The following ANK3 variants were observed in gnomAD, a reference collection of about 807,000 sequenced individuals.
ANK3 encodes the protein ankyrin-3.
Under a neutral mutation model 370.9 loss-of-function variants are expected in ANK3, and 57 were observed. The observed-to-expected ratio is 0.15, with a 90% confidence interval of 0.12 to 0.19. The LOEUF (loss-of-function observed/expected upper bound fraction) is 0.19. Ranked by LOEUF, ANK3 falls within the 10% of genes least tolerant of loss-of-function variation. The pLI, the probability that ANK3 is intolerant of heterozygous loss-of-function variation, is 1.00. For missense variants in ANK3, 4,439 were observed against 5,302.1 expected (o/e 0.84, Z 5.06); for synonymous variants, 1,929 against 1,946.3 (o/e 0.99, Z 0.23).
chr10:60,204,914 G>T (rs187098143), intron 11 of ANK3, among the ~76,000 whole-genome samples: 9 of 152,172 alleles, frequency 5.9e-5, no homozygotes, highest in Non-Finnish European at 1.3e-4. Flanking sequence ...TCTAAAGGAC[G>T]TGCAGGATTT....
In ANK3 at chr10:60,080,205, A is replaced by C. The variant is rs145344374; in HGVS notation, c.4432+332T>G. Reference sequence around the variant, plus strand: ...TCCAAATATTTGAGTAATTTTTTTCATCTGAGCATAGATCTAAAGCAACAT... The same window carrying C: ...TCCAAATATTTGAGTAATTTTTTTCCTCTGAGCATAGATCTAAAGCAACAT... On this transcript the variant is annotated intron_variant, in intron 36 of 43. Transcript: ENST00000280772. Among the ~76,000 whole-genome samples, 619 of 152,272 alleles carry C rather than the reference A, an allele frequency of 4.1e-3. 6 individuals are homozygous for C. The highest frequency in any genetic ancestry group is 4.8e-3 in the Non-Finnish European group (326 of 68,016).
chr10:60,032,194 C>CTTTTTTTTTTTTTTTTTTTTTTTT lies in ANK3; in HGVS notation c.*20-2392_*20-2369dup. Among the ~76,000 whole-genome samples the CTTTTTTTTTTTTTTTTTTTTTTTT allele has an allele frequency of 1.4e-3, 61 of 43,126 alleles. 12 individuals carry two copies. Among genetic ancestry groups the CTTTTTTTTTTTTTTTTTTTTTTTT allele is most frequent in the Non-Finnish European group, 1.9e-3 (42 of 22,388 alleles). The allele number at this position is 43,126 out of a possible 152,430, so 28.3% of individuals were successfully genotyped here. On this transcript the variant is annotated intron_variant, in intron 43 of 43. Coordinates refer to ENST00000280772, the MANE Select transcript of ANK3 (RefSeq NM_020987.5). Reference sequence around the variant, plus strand: ...TTCAGCTATTATAAATACACAGCTTCTTTTTTTTTTTTTTTTTTTTTTTTT... The same window carrying CTTTTTTTTTTTTTTTTTTTTTTTT: ...TTCAGCTATTATAAATACACAGCTTCTTTTTTTTTTTTTTTTTTTTTTTTTTTTTTTTTTTTTTTTTTTTTTTTT...
intron 1 of ANK3, among the ~76,000 whole-genome samples, chr10:60,333,256 C>T (rs185509010): frequency 5.1e-4 from 77 of 152,160 alleles, no homozygotes; most frequent in African/African-American, 1.7e-3. Flanking sequence ...CCCATCAACC[C>T]GTCATCTACA....
intron 17 of ANK3, among the ~76,000 whole-genome samples, chr10:60,185,410 G>A (rs1179168084): frequency 6.6e-6 from 1 of 152,160 alleles, no homozygotes; most frequent in Non-Finnish European, 1.5e-5. Flanking sequence ...CAAGAAGTCA[G>A]TATTGCTATC....
At position 60,034,092 on chromosome 10, in the gene ANK3, T is replaced by G. The variant is rs1354824782; in HGVS notation, c.*20-4266A>C. On this transcript the variant is annotated intron_variant, in intron 43 of 43. Coordinates refer to ENST00000280772, the MANE Select transcript of ANK3 (RefSeq NM_020987.5). Reference sequence around the variant, plus strand: ...GAAATTCTGTTTTTGTTTTTTTTTTTGTTTTGTTTTTTGGTTTTTTTTTTT... The same window carrying G: ...GAAATTCTGTTTTTGTTTTTTTTTTGGTTTTGTTTTTTGGTTTTTTTTTTT... Among the ~76,000 whole-genome samples the G allele has an allele frequency of 5.4e-5, 8 of 149,304 alleles. No homozygotes were observed. The East Asian group carries it at 5.8e-4, about 11-fold the overall frequency.
intron 24 of ANK3, 54 bp from the exon 25 acceptor site, chr10:60,134,427 A>T (rs1257812939): frequency 1.5e-6 from 2 of 1,305,960 alleles, no homozygotes; most frequent in Non-Finnish European, 2.1e-6. Context: ...TGAGATGAAT[A>T]AAAAAAAATT....
chr10:60,131,089 C>A (rs1441182458), intron 25 of ANK3, among the ~76,000 whole-genome samples: 1 of 152,184 alleles, frequency 6.6e-6, no homozygotes, highest in African/African-American at 2.4e-5. Flanking sequence ...CTTCAGCATG[C>A]ATACCCCAAT....
At chr10:60,082,245 G>C in intron 34 of ANK3, 69 bp from the exon 35 acceptor site, 1 of 1,371,154 alleles carries the variant, frequency 7.3e-7, no homozygotes, top group South Asian at 1.2e-5. Context: ...AGAATATCAG[G>C]ATATGAAAAG....
intron 28 of ANK3, among the ~76,000 whole-genome samples, chr10:60,094,274 A>G (rs1217989986): frequency 7.1e-6 from 1 of 140,462 alleles, no homozygotes; most frequent in African/African-American, 2.7e-5. Flanking sequence ...TACAATTTTC[A>G]CCTCCCGGAT....
In ANK3 at chr10:60,642,574, T is replaced by C. The variant is rs58544497; in HGVS notation, c.58-27350A>G. ...GCATGTTCTCACTCATAGGTGGGAA[T>C]TGAACAATGAGATCACATGGACACA... is the stretch of plus-strand genomic sequence containing the variant. On this transcript the variant is annotated intron_variant, in intron 1 of 43. Transcript: ENST00000373827. 2.0e-3 allele frequency among the ~76,000 whole-genome samples: 309 copies of C among 150,816 alleles called. 1 individual carries two copies. The highest frequency in any genetic ancestry group is 7.0e-3 in the African/African-American group (289 of 41,182).
At chr10:60,499,770 T>C (rs766507123) in intron 2 of ANK3, among the ~76,000 whole-genome samples, 1 of 152,178 alleles carries the variant, frequency 6.6e-6, no homozygotes, top group Admixed American at 6.5e-5. Context: ...CCCATTTTAA[T>C]GTTTTGTGGT....
Position 60,278,801 on chromosome 10 carries a change from A to G in ANK3, c.387T>C (p.Asn129=). 6.2e-7 allele frequency: 1 copy of G among 1,614,008 alleles called. No individual in the cohort carries two copies. Among genetic ancestry groups the G allele is most frequent in the Non-Finnish European group, 8.5e-7 (1 of 1,179,912 alleles). Residue 129 remains asparagine, a synonymous_variant, in exon 4 of 44, where the codon AAT becomes AAC. Coordinates refer to ENST00000280772, the MANE Select transcript of ANK3 (RefSeq NM_020987.5). ...GAGATTGTGCATTGACATTGGCTCC[A>G]TTTGTAACCAAGACTTTTACCACCT... The part of the protein sequence containing the change: ...QAEVVKVLVT[N]GANVNAQSQN...
intron 2 of ANK3, among the ~76,000 whole-genome samples, chr10:60,575,916 T>C (rs1415232990): frequency 6.6e-6 from 1 of 152,204 alleles, no homozygotes; most frequent in Non-Finnish European, 1.5e-5. Context: ...ATTGTTTTAA[T>C]ATGCCCAAAG....
chr10:60,451,964 G>T (rs2064616741), intron 2 of ANK3, among the ~76,000 whole-genome samples: 1 of 152,190 alleles, frequency 6.6e-6, no homozygotes, highest in Non-Finnish European at 1.5e-5. Flanking sequence ...AAACAGAGTG[G>T]AGTCTCACCA....
At chr10:60,570,287 A>G (rs1395913916) in intron 2 of ANK3, among the ~76,000 whole-genome samples, 1 of 152,202 alleles carries the variant, frequency 6.6e-6, no homozygotes, top group Non-Finnish European at 1.5e-5. Context: ...TAAAGTAGGT[A>G]TCTGATAGCT....
At chr10:60,040,763 T>G (rs886522626) in intron 43 of ANK3, among the ~76,000 whole-genome samples, 1 of 152,200 alleles carries the variant, frequency 6.6e-6, no homozygotes, top group African/African-American at 2.4e-5. Context: ...GCTCAGCTGG[T>G]GTAGGTAACC....
chr10:60,381,180 A>G (rs2061498463), intron 1 of ANK3, among the ~76,000 whole-genome samples: 1 of 152,164 alleles, frequency 6.6e-6, no homozygotes, highest in South Asian at 2.1e-4. Flanking sequence ...TACATAAACT[A>G]TATAATGAAG....
intron 1 of ANK3, among the ~76,000 whole-genome samples, chr10:60,293,601 A>T (rs922813615): frequency 7.2e-5 from 11 of 152,142 alleles, no homozygotes; most frequent in African/African-American, 2.4e-4. Flanking sequence ...TCTTCCTACC[A>T]CCTAATGATA....
chr10:60,134,494 C>T, intron 24 of ANK3, 121 bp from the exon 25 acceptor site: 2 of 646,024 alleles, frequency 3.1e-6, no homozygotes, highest in Non-Finnish European at 5.1e-6. Context: ...AAAAGTTGTT[C>T]TTGAAAGGAC....
Sources: allele counts gnomAD v4.1 joint callset (sites outside exome capture counted in the v4.1 genomes callset), GRCh38; gene constraint gnomAD v4.1.1; transcripts MANE v1.5; gene names NCBI Gene and HGNC (gene_info 2026-07-23, HGNC 2026-07-21).